SCNN1A: variants seen among roughly 807,000 people sequenced by gnomAD.
SCNN1A encodes the protein sodium channel epithelial 1 subunit alpha, also known as epithelial sodium channel subunit alpha.
Under a neutral mutation model 68.6 loss-of-function variants are expected in SCNN1A, and 65 were observed. That is an observed-to-expected ratio of 0.95 (90% CI 0.78 to 1.16). The LOEUF is 1.16. Ranked by LOEUF, SCNN1A falls within the 50% of genes most tolerant of loss-of-function variation. The pLI, the probability that SCNN1A is intolerant of heterozygous loss-of-function variation, is 0.00. For missense variants in SCNN1A, 880 were observed against 865.9 expected (o/e 1.02, Z -0.20); for synonymous variants, 357 against 353.3 (o/e 1.01, Z -0.12).
At position 6,372,554 on chromosome 12, in the gene SCNN1A, T is replaced by C. The variant is rs184539553; in HGVS notation, c.416+1814A>G. 2.4e-3 allele frequency among the ~76,000 whole-genome samples: 363 copies of C among 152,276 alleles called. 2 individuals carry two copies. The highest frequency in any genetic ancestry group is 8.1e-3 in the African/African-American group (336 of 41,554). ...TTCCCCGGCTTTTTCCTGGACTGTC[T>C]AGGGCCCCGCATCCAGCAGAACCTA... On this transcript the variant is annotated intron_variant, in intron 2 of 12. Coordinates refer to ENST00000228916, the MANE Select transcript of SCNN1A (RefSeq NM_001038.6). The surrounding 1 kb of genome is among the most constrained non-coding windows in gnomAD (Gnocchi z 5.8).
chr12:6,363,516 C>T lies in SCNN1A; in HGVS notation c.611G>A (p.Arg204His), dbSNP rs1181489147. ...GTCCCGCAAGCTGGAGGCCACGCTACGGGCTCGACGGGCCCCGTGAGGCGG... is the reference window on the plus strand; with the variant it reads ...GTCCCGCAAGCTGGAGGCCACGCTATGGGCTCGACGGGCCCCGTGAGGCGG... ...PPPPHGARRA[R>H]SVASSLRDNN... The change falls in exon 3 of 13, where the codon CGT becomes CAT. Residue 204 changes from arginine (R) to histidine (H), a missense_variant. By Grantham distance (29) the Arg-to-His change is conservative. Transcript: ENST00000228916. 4 of 1,608,876 alleles carry T rather than the reference C, an allele frequency of 2.5e-6. No individual in the cohort carries two copies. The highest frequency in any genetic ancestry group is 3.4e-6 in the Non-Finnish European group (4 of 1,177,630).
chr12:6,355,748 C>T lies in SCNN1A; in HGVS notation c.979+29G>A, dbSNP rs758529150. ...ACAGGTGAGTGGCTGAAGCAGAGGGCGCCATGGAGCAAGCAGGGAGCTTCT... is the reference window on the plus strand; with the variant it reads ...ACAGGTGAGTGGCTGAAGCAGAGGGTGCCATGGAGCAAGCAGGGAGCTTCT... On this transcript the variant is annotated intron_variant, in intron 5 of 12. Transcript: ENST00000228916. The T allele has an allele frequency of 3.4e-5, 50 of 1,461,846 alleles. No homozygotes were observed. In the Admixed American group the frequency reaches 4.3e-4, roughly 13 times the overall value. The allele number at this position is 1,461,846 out of a possible 1,614,324, so 90.6% of individuals were successfully genotyped here. A position where few individuals can be genotyped will look rare whatever the true frequency, so the allele number is the denominator to read the frequency against.
chr12:6,360,749 G>A (rs1948567677), intron 4 of SCNN1A, among the ~76,000 whole-genome samples: 1 of 151,024 alleles, frequency 6.6e-6, no homozygotes, highest in African/African-American at 2.4e-5. Context: ...GGAGAAGGCA[G>A]GGGAGGAGGG....
At chr12:6,369,271 A>G (rs1434371841) in intron 2 of SCNN1A, among the ~76,000 whole-genome samples, 18 of 109,632 alleles carry the variant, frequency 1.6e-4, no homozygotes, top group South Asian at 8.4e-4. Context: ...GCCACCCTAC[A>G]CGCCTCCCTC....
chr12:6,357,723 C>T (rs368865429), intron 4 of SCNN1A, among the ~76,000 whole-genome samples: 2 of 151,980 alleles, frequency 1.3e-5, no homozygotes, highest in South Asian at 2.1e-4. Context: ...CTCAGCCAGG[C>T]GCAGTGGCTG....
At chr12:6,359,865 G>A (rs1484143547) in intron 4 of SCNN1A, among the ~76,000 whole-genome samples, 1 of 145,006 alleles carries the variant, frequency 6.9e-6, no homozygotes, top group Non-Finnish European at 1.5e-5. Context: ...CCACCTCTTG[G>A]GTTCAAGCAA....
At chr12:6,376,091 C>T, upstream of SCNN1A, 1 of 989,378 alleles carries the variant, frequency 1.0e-6, no homozygotes, top group Non-Finnish European at 1.2e-6. Context: ...AGTGGGCAGC[C>T]CTCCAAGGGC....
intron 3 of SCNN1A, among the ~76,000 whole-genome samples, chr12:6,362,851 G>A (rs867851608): frequency 9.5e-6 from 1 of 105,044 alleles, no homozygotes; most frequent in Non-Finnish European, 2.0e-5. Flanking sequence ...GCTAATTTTT[G>A]TATTTTTTTT....
chr12:6,363,397 G>A lies in SCNN1A; in HGVS notation c.684+46C>T, dbSNP rs1047974486. On this transcript the variant is annotated intron_variant, in intron 3 of 12. Transcript: ENST00000228916. ...GGAGCCCATGGGTGGGCGGGGCCAG[G>A]GGCCGGCGAGGGGCGGGGCGGGCCC... is the stretch of plus-strand genomic sequence containing the variant. 4 of 1,472,418 alleles carry A rather than the reference G, an allele frequency of 2.7e-6. No homozygotes were observed. The South Asian group carries it at 4.2e-5, about 15-fold the overall frequency. 91.2% of individuals were successfully genotyped at this position (1,472,418 alleles called of 1,614,324 possible).
chr12:6,375,380 GC>G, intron 1 of SCNN1A, 124 bp downstream of exon 1: 2 of 1,476,292 alleles, frequency 1.4e-6, no homozygotes. Flanking sequence ...TTCTGTCTCT[GC>G]CCCAGGACTG....
At position 6,363,552 on chromosome 12, in the gene SCNN1A, CT is replaced by C. The variant is rs767638989; in HGVS notation, c.574del (p.Arg192GlyfsTer57). ...GGCCCCGTGAGGCGGGGGCGGGACCCTCAGGCGCTGCAAGGGGTGCGGCAGA... is the reference window on the plus strand; with the variant it reads ...GGCCCCGTGAGGCGGGGGCGGGACCCCAGGCGCTGCAAGGGGTGCGGCAGA... The part of the protein sequence containing the change: ...GTLPHPLQRL[R>X]VPPPPHGARR... On this transcript the variant is annotated frameshift_variant, in exon 3 of 13. Transcript: ENST00000228916. LOFTEE classifies it high-confidence loss of function. 5 of 1,610,756 alleles carry C rather than the reference CT, an allele frequency of 3.1e-6. No individual in the cohort carries two copies. In the South Asian group the frequency reaches 5.5e-5, roughly 18 times the overall value.
At chr12:6,368,630 C>A (rs1565484913) in intron 2 of SCNN1A, among the ~76,000 whole-genome samples, 1 of 152,204 alleles carries the variant, frequency 6.6e-6, no homozygotes, top group Admixed American at 6.5e-5. Flanking sequence ...AAACCTGAGG[C>A]ATGATGACTT....
intron 3 of SCNN1A, 65 bp from the exon 4 acceptor site, chr12:6,362,306 G>C: frequency 7.0e-7 from 1 of 1,423,060 alleles, no homozygotes. Context: ...GCAGGGCCAA[G>C]GGCAAAGAAT....
intron 6 of SCNN1A, 62 bp downstream of exon 6, chr12:6,355,210 C>T (rs1327710626): frequency 1.3e-6 from 2 of 1,561,922 alleles, no homozygotes; most frequent in Non-Finnish European, 1.7e-6. Context: ...CCTCCCATGC[C>T]TCCCCGCTGC....
chr12:6,354,208 G>T (rs1331621841), intron 8 of SCNN1A, among the ~76,000 whole-genome samples: 2 of 152,000 alleles, frequency 1.3e-5, no homozygotes, highest in Non-Finnish European at 2.9e-5. Context: ...TCCAGCCTGG[G>T]TGACAGAGCG....
chr12:6,354,493 G>C lies in SCNN1A; in HGVS notation c.1305C>G (p.Phe435Leu), dbSNP rs1383122426. 1 of 1,613,692 alleles carries C rather than the reference G, an allele frequency of 6.2e-7. No homozygotes were observed. The highest frequency in any genetic ancestry group is 1.3e-5 in the African/African-American group (1 of 74,884). Residue 435 changes from phenylalanine to leucine, a missense_variant, in exon 8 of 13, where the codon TTC (phenylalanine) becomes TTG (leucine). Transcript: ENST00000228916. ...MIKECGCAYI[F>L]YPRPQNVEYC... ...ACTCCACGTTCTGGGGCCGCGGATA[G>C]AAGATGTAGGCACAGCCACACTCCT...
At position 6,374,568 on chromosome 12, in the gene SCNN1A, G is replaced by A. The variant is rs138613452; in HGVS notation, c.216C>T (p.Ile72=). ...FCNNTTIHGA[I]RLVCSQHNRM... Reference sequence around the variant, plus strand: ...GGTTGTGCTGGGAGCACACCAGGCGGATGGCGCCGTGGATGGTGGTGTTGT... The same window carrying A: ...GGTTGTGCTGGGAGCACACCAGGCGAATGGCGCCGTGGATGGTGGTGTTGT... The change falls in exon 2 of 13, where the codon ATC becomes ATT. Residue 72 remains isoleucine, a synonymous_variant. Transcript: ENST00000228916. The surrounding 1 kb of genome is among the most constrained non-coding windows in gnomAD (Gnocchi z 6.2). The A allele has an allele frequency of 9.3e-6, 15 of 1,614,074 alleles. No homozygotes were observed. The African/African-American group carries it at 2.0e-4, about 22-fold the overall frequency.
intron 4 of SCNN1A, among the ~76,000 whole-genome samples, chr12:6,361,612 G>A (rs55953023): frequency 0.013 from 1,922 of 152,124 alleles, 41 homozygotes; most frequent in Non-Finnish European, 0.014. Flanking sequence ...GCGTGGTGGC[G>A]CATGACTGTA....
upstream of SCNN1A, chr12:6,375,922 A>T: frequency 9.1e-7 from 1 of 1,104,818 alleles, no homozygotes; most frequent in Non-Finnish European, 1.1e-6. Flanking sequence ...AGCGAAGGAC[A>T]GAGAGATAGG....
Sources: gnomAD v4.1 joint callset for allele counts (sites outside exome capture counted in the v4.1 genomes callset) on GRCh38, gnomAD v4.1.1 for gene constraint, Gnocchi (gnomAD v3.1) non-coding constraint, MANE v1.5 for transcripts, NCBI Gene and HGNC (gene_info 2026-07-23, HGNC 2026-07-21) for gene names.